The following GMDS variants were observed in gnomAD, a reference collection of about 807,000 sequenced individuals.
The protein encoded by GMDS is GDP-mannose 4,6-dehydratase.
A neutral mutation model predicts 49.9 loss-of-function variants in GMDS; 20 were observed. The observed-to-expected ratio is 0.40, with a 90% confidence interval of 0.28 to 0.58. The LOEUF (loss-of-function observed/expected upper bound fraction) is 0.58. Ranked by LOEUF, GMDS falls within the 20% of genes least tolerant of loss-of-function variation. The pLI is 0.42. For missense variants in GMDS, 362 were observed against 481.4 expected (o/e 0.75, Z 2.32); for synonymous variants, 177 against 178.6 (o/e 0.99, Z 0.07).
chr6:1,901,436 A>G (rs899039961), intron 7 of GMDS, among the ~76,000 whole-genome samples: 4 of 152,218 alleles, frequency 2.6e-5, no homozygotes, highest in African/African-American at 9.6e-5. Context: ...AAAAACATAG[A>G]AAAGAAAAAA....
Position 2,245,336 on chromosome 6 carries a change from G to T in GMDS, c.87C>A (p.Thr29=). ...CCGCACTCACCTGGCCTGTGATACC[G>T]GTGATGAGCGCCACGTTCCTGGGCT... The part of the protein sequence containing the change: ...MGKPRNVALI[T]GITGQDGSYL... The change falls in exon 1 of 11, where the codon ACC becomes ACA. Residue 29 remains threonine, a synonymous_variant. Transcript: ENST00000380815. 1 of 1,550,008 alleles carries T rather than the reference G, an allele frequency of 6.5e-7. No homozygotes were observed.
At chr6:1,976,774 C>A (rs1561940105) in intron 4 of GMDS, among the ~76,000 whole-genome samples, 1 of 152,176 alleles carries the variant, frequency 6.6e-6, no homozygotes, top group Non-Finnish European at 1.5e-5. Context: ...GTATTCACCA[C>A]ATAGTTTCCA....
rs190408971 is a variant in GMDS at position 2,013,808 on chromosome 6, G to A, written c.346-52842C>T. 4.8e-3 allele frequency among the ~76,000 whole-genome samples: 729 copies of A among 150,504 alleles called. 4 individuals carry two copies. Among genetic ancestry groups the A allele is most frequent in the African/African-American group, 0.017 (677 of 40,960 alleles). ...ACAAAAGGTGTAACCAACATGTAAT[G>A]AGAATGCCAGAAAAAGAGCAAAGAA... On this transcript the variant is annotated intron_variant, in intron 4 of 10. Transcript: ENST00000380815.
At chr6:1,697,986 G>A (rs1158940903) in intron 9 of GMDS, among the ~76,000 whole-genome samples, 1 of 152,214 alleles carries the variant, frequency 6.6e-6, no homozygotes, top group Non-Finnish European at 1.5e-5. Context: ...TGACAAGAAA[G>A]GCACCTTTAG....
intron 7 of GMDS, among the ~76,000 whole-genome samples, chr6:1,795,068 C>T (rs1172635198): frequency 2.6e-5 from 4 of 152,072 alleles, no homozygotes; most frequent in Admixed American, 6.5e-5. Flanking sequence ...GGCATGGTGG[C>T]GCATGCCTGT....
intron 1 of GMDS, among the ~76,000 whole-genome samples, chr6:2,165,365 G>A (rs1410223629): frequency 6.6e-6 from 1 of 152,182 alleles, no homozygotes; most frequent in Non-Finnish European, 1.5e-5. Flanking sequence ...GAGAACAGCT[G>A]GTATTTCACT....
At chr6:1,644,743 C>G (rs1351910967) in intron 9 of GMDS, among the ~76,000 whole-genome samples, 2 of 152,140 alleles carry the variant, frequency 1.3e-5, no homozygotes, top group Non-Finnish European at 2.9e-5. Flanking sequence ...CACGGCCACC[C>G]CCACTGCCGT....
Position 2,135,265 on chromosome 6 carries a change from C to T in GMDS, c.103-10534G>A, listed in dbSNP as rs189553258. Among the ~76,000 whole-genome samples, 11 of 152,110 alleles carry T rather than the reference C, an allele frequency of 7.2e-5. No individual in the cohort carries two copies. The East Asian group carries it at 2.1e-3, about 29-fold the overall frequency. ...ATCTTCAATTATCCTTGCAATAATC[C>T]ACTATCAAAAGCCATTGCTTAAACT... is the stretch of plus-strand genomic sequence containing the variant. On this transcript the variant is annotated intron_variant, in intron 1 of 10. Transcript: ENST00000380815.
At chr6:1,661,237 G>A (rs1368153653) in intron 9 of GMDS, among the ~76,000 whole-genome samples, 1 of 152,120 alleles carries the variant, frequency 6.6e-6, no homozygotes, top group African/African-American at 2.4e-5. Context: ...CTCATGGGTC[G>A]TGCCATAGAT....
chr6:1,771,052 A>T (rs1768558615), intron 7 of GMDS, among the ~76,000 whole-genome samples: 1 of 152,000 alleles, frequency 6.6e-6, no homozygotes, highest in Non-Finnish European at 1.5e-5. Context: ...AATAAATTAA[A>T]TAAGTGAAAT....
At chr6:1,797,477 T>C (rs985750997) in intron 7 of GMDS, among the ~76,000 whole-genome samples, 4 of 152,196 alleles carry the variant, frequency 2.6e-5, no homozygotes, top group Non-Finnish European at 4.4e-5. Context: ...AAGTAAGTGT[T>C]TTGTGATGTT....
At chr6:1,676,116 C>T (rs1457614522) in intron 9 of GMDS, among the ~76,000 whole-genome samples, 1 of 152,180 alleles carries the variant, frequency 6.6e-6, no homozygotes, top group Non-Finnish European at 1.5e-5. Flanking sequence ...GCAAAAATCA[C>T]AAGCATTCTT....
chr6:2,148,028 A>G (rs934889439), intron 1 of GMDS, among the ~76,000 whole-genome samples: 5 of 152,016 alleles, frequency 3.3e-5, no homozygotes, highest in African/African-American at 1.2e-4. Context: ...AGACATTCTC[A>G]AAGTGCGGCA....
intron 4 of GMDS, among the ~76,000 whole-genome samples, chr6:2,060,519 T>C (rs1771084290): frequency 6.6e-6 from 1 of 152,162 alleles, no homozygotes; most frequent in South Asian, 2.1e-4. Context: ...TTCTAGCTTA[T>C]CCATTCTAGG....
At chr6:1,974,308 T>C (rs1581446336) in intron 4 of GMDS, among the ~76,000 whole-genome samples, 1 of 152,234 alleles carries the variant, frequency 6.6e-6, no homozygotes, top group South Asian at 2.1e-4. Flanking sequence ...TGTGATACAC[T>C]GGCAAGCAAA....
chr6:1,656,678 C>T (rs924565449), intron 9 of GMDS, among the ~76,000 whole-genome samples: 6 of 151,766 alleles, frequency 4.0e-5, no homozygotes, highest in African/African-American at 1.5e-4. Context: ...GCAGGAGAAT[C>T]GCTTGAACCT....
Position 1,766,258 on chromosome 6 carries a change from AGT to A in GMDS, c.772-23674_772-23673del. ...AGCTAATTTAAGCTGATGTGCATTG[AGT>A]CACTGGAAATTGGACAGGAGCAAAG... On this transcript the variant is annotated intron_variant, in intron 7 of 10. Coordinates refer to ENST00000380815, the MANE Select transcript of GMDS (RefSeq NM_001500.4). The surrounding 1 kb of genome is among the most constrained non-coding windows in gnomAD (Gnocchi z 4.5). 6.6e-6 allele frequency among the ~76,000 whole-genome samples: 1 copy of A among 152,282 alleles called. No homozygotes were observed. Among genetic ancestry groups the A allele is most frequent in the Non-Finnish European group, 1.5e-5 (1 of 68,030 alleles).
intron 6 of GMDS, among the ~76,000 whole-genome samples, chr6:1,950,584 T>C (rs1222037965): frequency 1.3e-5 from 2 of 152,206 alleles, no homozygotes; most frequent in Non-Finnish European, 2.9e-5. Flanking sequence ...ATCCGAATGT[T>C]TTCTTTGGTG....
At chr6:2,033,028 G>T (rs1769066331) in intron 4 of GMDS, among the ~76,000 whole-genome samples, 1 of 152,158 alleles carries the variant, frequency 6.6e-6, no homozygotes, top group East Asian at 1.9e-4. Flanking sequence ...TCTTTTCAAA[G>T]GAAAAAGTAT....
Sources: gnomAD v4.1 joint callset for allele counts (sites outside exome capture counted in the v4.1 genomes callset) on GRCh38, gnomAD v4.1.1 for gene constraint, Gnocchi (gnomAD v3.1) non-coding constraint, MANE v1.5 for transcripts, NCBI Gene and HGNC (gene_info 2026-07-23, HGNC 2026-07-21) for gene names.